Variants in ATP2B1 observed in about 807,000 individuals in gnomAD.
ATP2B1 encodes the protein plasma membrane calcium-transporting ATPase 1.
In ATP2B1, 14 loss-of-function variants were observed where a neutral mutation model predicts 124.2. The observed-to-expected ratio is 0.11, with a 90% CI of 0.07 to 0.18. The LOEUF is 0.18. Among genes scored for constraint, ATP2B1 ranks in the 10% least tolerant of loss-of-function variants. The pLI is 1.00. For missense variants in ATP2B1, 763 were observed against 1,466.1 expected (o/e 0.52, Z 7.83); for synonymous variants, 449 against 492.4 (o/e 0.91, Z 1.17).
chr12:89,635,755 A>C (rs890542493), intron 3 of ATP2B1, among the ~76,000 whole-genome samples: 1 of 152,174 alleles, frequency 6.6e-6, no homozygotes, highest in Non-Finnish European at 1.5e-5. Context: ...AATCATGCTT[A>C]TTTACTATGT....
chr12:89,707,623 G>C (rs1892633993), intron 1 of ATP2B1, among the ~76,000 whole-genome samples: 1 of 152,098 alleles, frequency 6.6e-6, no homozygotes, highest in Non-Finnish European at 1.5e-5. Context: ...GAGGAGGGTC[G>C]AGCCCTCCAA....
intron 3 of ATP2B1, among the ~76,000 whole-genome samples, chr12:89,637,857 G>A (rs1336448128): frequency 6.6e-6 from 1 of 152,078 alleles, no homozygotes; most frequent in Non-Finnish European, 1.5e-5. Context: ...ACACAACAGA[G>A]GTTAAGGAGG....
intron 2 of ATP2B1, among the ~76,000 whole-genome samples, chr12:89,650,793 A>G (rs551036392): frequency 2.0e-5 from 3 of 152,358 alleles, no homozygotes; most frequent in African/African-American, 7.2e-5. Flanking sequence ...AAAATATAAC[A>G]TAGGACCACA....
In ATP2B1 at chr12:89,642,264, T is replaced by C. The variant is rs766081813; in HGVS notation, c.300A>G (p.Gln100=). The C allele has an allele frequency of 1.9e-6, 3 of 1,613,596 alleles. No individual in the cohort carries two copies. The highest frequency in any genetic ancestry group is 1.7e-5 in the Admixed American group (1 of 60,024). ...CATCTTGTAATGCTTCCCATACTAA[T>C]TGAAGAAAGGTTTTTGGCTTTTTAG... ...IPPKKPKTFL[Q]LVWEALQDVT... is the part of the protein sequence containing the mutation. Residue 100 remains glutamine (Q), a synonymous_variant, in exon 3 of 21, where the codon CAA becomes CAG. Transcript: ENST00000428670.
chr12:89,674,069 T>G (rs75432844), intron 1 of ATP2B1, among the ~76,000 whole-genome samples: 1 of 152,184 alleles, frequency 6.6e-6, no homozygotes, highest in Non-Finnish European at 1.5e-5. Flanking sequence ...GGTATTCATA[T>G]AGTATTTCCT....
chr12:89,668,397 C>T (rs920456736), intron 1 of ATP2B1, among the ~76,000 whole-genome samples: 4 of 152,150 alleles, frequency 2.6e-5, no homozygotes, highest in Non-Finnish European at 4.4e-5. Context: ...ATAACCAGCA[C>T]ACACATAAAA....
chr12:89,649,547 G>C (rs1884966176), intron 2 of ATP2B1, among the ~76,000 whole-genome samples: 1 of 152,158 alleles, frequency 6.6e-6, no homozygotes, highest in Non-Finnish European at 1.5e-5. Flanking sequence ...GCTTGTTTTT[G>C]ATCTCACAGG....
At chr12:89,606,576 T>TC (rs1350358032) in intron 15 of ATP2B1, among the ~76,000 whole-genome samples, 1 of 149,012 alleles carries the variant, frequency 6.7e-6, no homozygotes, top group Non-Finnish European at 1.5e-5. Context: ...GTCCCACTTT[T>TC]TTTTTTTTTT....
At chr12:89,682,875 A>G (rs919058190) in intron 1 of ATP2B1, among the ~76,000 whole-genome samples, 2 of 152,172 alleles carry the variant, frequency 1.3e-5, no homozygotes, top group African/African-American at 4.8e-5. Context: ...GCAAAACACA[A>G]CATAAGCAAA....
intron 11 of ATP2B1, among the ~76,000 whole-genome samples, chr12:89,619,302 A>G (rs1879535060): frequency 6.6e-6 from 1 of 152,128 alleles, no homozygotes; most frequent in Non-Finnish European, 1.5e-5. Flanking sequence ...TCCAGTAACC[A>G]CAATGAGCGT....
At chr12:89,681,992 C>T (rs1889407749) in intron 1 of ATP2B1, among the ~76,000 whole-genome samples, 1 of 151,944 alleles carries the variant, frequency 6.6e-6, no homozygotes, top group African/African-American at 2.4e-5. Context: ...AATAGTAGAC[C>T]TTGAATATCA....
intron 1 of ATP2B1, among the ~76,000 whole-genome samples, chr12:89,658,633 GAGAGAGAGAGAGAGAT>G (rs1886279754): frequency 2.6e-5 from 4 of 151,174 alleles, no homozygotes; most frequent in African/African-American, 4.9e-5. Context: ...GAGAGAGAGA[GAGAGAGAGAGAGAGAT>G]AGAGATAGCA....
chr12:89,686,711 G>A (rs956953480), intron 1 of ATP2B1, among the ~76,000 whole-genome samples: 8 of 151,834 alleles, frequency 5.3e-5, no homozygotes, highest in Non-Finnish European at 1.0e-4. Context: ...TGCCTACATC[G>A]GTGCATGGCA....
At chr12:89,637,888 A>G (rs1277396081) in intron 3 of ATP2B1, among the ~76,000 whole-genome samples, 1 of 152,326 alleles carries the variant, frequency 6.6e-6, no homozygotes, top group Admixed American at 6.5e-5. Flanking sequence ...ACGGACAATT[A>G]TACAATTTTC....
chr12:89,678,562 C>A (rs1409283301), intron 1 of ATP2B1, among the ~76,000 whole-genome samples: 1 of 152,156 alleles, frequency 6.6e-6, no homozygotes, highest in African/African-American at 2.4e-5. Flanking sequence ...ATTTCACACA[C>A]TTTCTCCAAT....
At chr12:89,651,369 C>T (rs572917746) in intron 2 of ATP2B1, among the ~76,000 whole-genome samples, 2 of 152,134 alleles carry the variant, frequency 1.3e-5, no homozygotes, top group African/African-American at 2.4e-5. Context: ...CACACTCAAG[C>T]GATCCTCCCA....
chr12:89,680,658 G>T (rs1889228282), intron 1 of ATP2B1, among the ~76,000 whole-genome samples: 1 of 152,044 alleles, frequency 6.6e-6, no homozygotes, highest in African/African-American at 2.4e-5. Flanking sequence ...CAACGGAACA[G>T]AACTAGTATT....
intron 1 of ATP2B1, among the ~76,000 whole-genome samples, chr12:89,667,798 A>C (rs1887488087): frequency 6.6e-6 from 1 of 152,386 alleles, no homozygotes; most frequent in Middle Eastern, 3.4e-3. Flanking sequence ...GGATCGTTAA[A>C]ATGGCCATAC....
At position 89,621,657 on chromosome 12, in the gene ATP2B1, A is replaced by T; in HGVS notation, c.1479T>A (p.Asn493Lys). Residue 493 changes from asparagine (N) to lysine (K), a missense_variant, in exon 10 of 21, where the codon AAT becomes AAA. Physicochemically the swap from Asn to Lys is moderately conservative, Grantham distance 94. Coordinates refer to ENST00000428670, the MANE Select transcript of ATP2B1 (RefSeq NM_001366521.1). ...NRMTVVQAYI[N>K]EKHYKKVPEP... Reference sequence around the variant, plus strand: ...CAGGAACCTTTTTATAATGTTTTTCATTTATGTAAGCTTGAACGACTGTCA... The same window carrying T: ...CAGGAACCTTTTTATAATGTTTTTCTTTTATGTAAGCTTGAACGACTGTCA... 1 of 1,612,228 alleles carries T rather than the reference A, an allele frequency of 6.2e-7. No individual in the cohort carries two copies. The highest frequency in any genetic ancestry group is 8.5e-7 in the Non-Finnish European group (1 of 1,178,944).
Sources: allele counts gnomAD v4.1 joint callset (sites outside exome capture counted in the v4.1 genomes callset), GRCh38; gene constraint gnomAD v4.1.1; transcripts MANE v1.5; gene names NCBI Gene and HGNC (gene_info 2026-07-23, HGNC 2026-07-21).